Variants in UGT3A2 observed in about 807,000 individuals in gnomAD.
The protein encoded by UGT3A2 is UDP-glycosyltransferase 3A2.
In UGT3A2, 32 loss-of-function variants were observed where a neutral mutation model predicts 39.8. The ratio of observed to expected loss-of-function variants is 0.80; its 90% confidence interval spans 0.61 to 1.08. The LOEUF (loss-of-function observed/expected upper bound fraction) is 1.08. Ranked by LOEUF, UGT3A2 falls within the 50% of genes least tolerant of loss-of-function variation. The pLI is 0.00. For synonymous variants in UGT3A2, 241 were observed against 230.7 expected (o/e 1.04, Z -0.40); for missense variants, 611 against 637.1 (o/e 0.96, Z 0.44).
At position 36,052,002 on chromosome 5, in the gene UGT3A2, G is replaced by A; in HGVS notation, c.197-18C>T. On this transcript the variant is annotated intron_variant, in intron 2 of 6. Coordinates refer to ENST00000282507, the MANE Select transcript of UGT3A2 (RefSeq NM_174914.4). ...TTTAAAATCTAAGAAAACAGCAACG[G>A]GTTAAAAAAAAAGTTAAATATGCTA... 4.0e-6 allele frequency: 6 copies of A among 1,500,720 alleles called. No homozygotes were observed. The highest frequency in any genetic ancestry group is 1.3e-5 in the South Asian group (1 of 76,760). 93.0% of individuals were successfully genotyped at this position (1,500,720 alleles called of 1,614,324 possible). A position where few individuals can be genotyped will look rare whatever the true frequency, so the allele number is the denominator to read the frequency against.
chr5:36,036,550 G>T (rs1741837464), intron 6 of UGT3A2, among the ~76,000 whole-genome samples: 1 of 152,188 alleles, frequency 6.6e-6, no homozygotes, highest in African/African-American at 2.4e-5. Context: ...CCCTATTTAT[G>T]TACAATGTCT....
At chr5:36,055,864 A>G (rs1231962526) in intron 2 of UGT3A2, among the ~76,000 whole-genome samples, 1 of 152,122 alleles carries the variant, frequency 6.6e-6, no homozygotes, top group Non-Finnish European at 1.5e-5. Context: ...GGTCTGTGAG[A>G]TAGTGATGAT....
chr5:36,039,119 C>A (rs756572866), intron 5 of UGT3A2, among the ~76,000 whole-genome samples: 7 of 152,206 alleles, frequency 4.6e-5, no homozygotes, highest in African/African-American at 7.2e-5. Context: ...TGGCACCTCT[C>A]CCAACCCCTA....
At chr5:36,063,329 T>C (rs1050896526) in intron 2 of UGT3A2, among the ~76,000 whole-genome samples, 1 of 152,192 alleles carries the variant, frequency 6.6e-6, no homozygotes. Context: ...GGTTTCTGTT[T>C]CCTTGTGGAT....
At chr5:36,059,696 TATC>T (rs1742626408) in intron 2 of UGT3A2, among the ~76,000 whole-genome samples, 1 of 152,192 alleles carries the variant, frequency 6.6e-6, no homozygotes, top group African/African-American at 2.4e-5. Context: ...TGTTTCTTGT[TATC>T]AGTGGAATGT....
chr5:36,066,868 TGC>T lies in UGT3A2; in HGVS notation c.-81_-80del. 1.3e-6 allele frequency: 2 copies of T among 1,541,714 alleles called. No homozygotes were observed. Among genetic ancestry groups the T allele is most frequent in the South Asian group, 2.2e-5 (2 of 89,266 alleles). ...GGCTAAGGGACCCTGTGCACCTCAG[TGC>T]GCCAAAGGCACTGGCTGTGGGTAGA... On this transcript the variant is annotated 5_prime_UTR_variant, in exon 1 of 7. Coordinates refer to ENST00000282507, the MANE Select transcript of UGT3A2 (RefSeq NM_174914.4).
chr5:36,065,444 G>C (rs1161692292), intron 1 of UGT3A2, among the ~76,000 whole-genome samples: 1 of 152,144 alleles, frequency 6.6e-6, no homozygotes, highest in Non-Finnish European at 1.5e-5. Context: ...ATCTTGGGGA[G>C]TCAGGTGGCT....
rs769339169 is a variant in UGT3A2, at chr5:36,049,042, T to A, written c.690A>T (p.Thr230=). 11 of 1,614,112 alleles carry A rather than the reference T, an allele frequency of 6.8e-6. No individual in the cohort carries two copies. The Admixed American group carries it at 1.8e-4, about 27-fold the overall frequency. ...TFDNTIKEHF[T]EGSRPVLSHL... The stretch of plus-strand genomic sequence containing the variant: ...GAGACAAAACTGGCCTAGAGCCTTC[T>A]GTGAAATGTTCCTTGATGGTGTTGT... Residue 230 remains threonine, a synonymous_variant, in exon 4 of 7, where the codon ACA becomes ACT. Coordinates refer to ENST00000282507, the MANE Select transcript of UGT3A2 (RefSeq NM_174914.4).
At position 36,066,769 on chromosome 5, in the gene UGT3A2, A is replaced by C. The variant is rs1263373762; in HGVS notation, c.21T>G (p.Leu7=). The C allele has an allele frequency of 1.2e-6, 2 of 1,614,172 alleles. No homozygotes were observed. Among genetic ancestry groups the C allele is most frequent in the Non-Finnish European group, 1.7e-6 (2 of 1,180,030 alleles). Reference sequence around the variant, plus strand: ...CAGGGAGAAGGAAGCCCACTAGAAGAAGCACTCGCTGCCCAGCCATGCTCA... The same window carrying C: ...CAGGGAGAAGGAAGCCCACTAGAAGCAGCACTCGCTGCCCAGCCATGCTCA... MAGQRV[L]LLVGFLLPGV... Residue 7 remains leucine, a synonymous_variant, in exon 1 of 7, where the codon CTT becomes CTG. Coordinates refer to ENST00000282507, the MANE Select transcript of UGT3A2 (RefSeq NM_174914.4).
chr5:36,045,750 C>G (rs1305953860), intron 4 of UGT3A2, among the ~76,000 whole-genome samples: 1 of 151,998 alleles, frequency 6.6e-6, no homozygotes, highest in East Asian at 1.9e-4. Flanking sequence ...GTAATGCAGG[C>G]AACCAAAGGA....
At chr5:36,061,424 T>C (rs1288745100) in intron 2 of UGT3A2, among the ~76,000 whole-genome samples, 1 of 121,128 alleles carries the variant, frequency 8.3e-6, no homozygotes, top group Admixed American at 1.1e-4. Flanking sequence ...CAGAGTGTGA[T>C]GTTCCCCTTC....
chr5:36,051,188 C>T (rs1289276028), intron 3 of UGT3A2, among the ~76,000 whole-genome samples: 1 of 152,014 alleles, frequency 6.6e-6, no homozygotes, highest in Non-Finnish European at 1.5e-5. Flanking sequence ...GTAGAATTTT[C>T]CAGGAAAGAA....
In UGT3A2 at chr5:36,049,171, G is replaced by A; in HGVS notation, c.561C>T (p.Phe187=). ...CCATGTGATCAGTCAGCAAGGAACGGAATACTGGAACATAAGACAAGGGGA... is the reference window on the plus strand; with the variant it reads ...CCATGTGATCAGTCAGCAAGGAACGAAATACTGGAACATAAGACAAGGGGA... The part of the protein sequence containing the change: ...LPIPLSYVPV[F]RSLLTDHMDF... The change falls in exon 4 of 7, where the codon TTC becomes TTT. Residue 187 remains phenylalanine, a synonymous_variant. Coordinates refer to ENST00000282507, the MANE Select transcript of UGT3A2 (RefSeq NM_174914.4). 6.2e-7 allele frequency: 1 copy of A among 1,614,194 alleles called. No homozygotes were observed. The highest frequency in any genetic ancestry group is 8.5e-7 in the Non-Finnish European group (1 of 1,180,042).
At chr5:36,036,492 G>A (rs868636757) in intron 6 of UGT3A2, among the ~76,000 whole-genome samples, 13 of 152,274 alleles carry the variant, frequency 8.5e-5, no homozygotes, top group South Asian at 4.1e-4. Flanking sequence ...TATAATAAGA[G>A]GCTCCACACT....
chr5:36,066,319 C>CCA (rs1039729046), intron 1 of UGT3A2, among the ~76,000 whole-genome samples: 2 of 152,136 alleles, frequency 1.3e-5, no homozygotes, highest in East Asian at 3.9e-4. Context: ...TACTGTGCAC[C>CCA]CACACACACG....
intron 4 of UGT3A2, among the ~76,000 whole-genome samples, chr5:36,040,333 C>A (rs1307278309): frequency 6.6e-6 from 1 of 152,058 alleles, no homozygotes; most frequent in Non-Finnish European, 1.5e-5. Context: ...CAGAATAGAA[C>A]CCTGAAGTGA....
intron 4 of UGT3A2, among the ~76,000 whole-genome samples, chr5:36,043,286 G>A (rs954720618): frequency 6.6e-6 from 1 of 151,880 alleles, no homozygotes; most frequent in African/African-American, 2.4e-5. Flanking sequence ...ATGACCAGTA[G>A]GTCAATGAAG....
intron 2 of UGT3A2, among the ~76,000 whole-genome samples, chr5:36,057,338 A>C (rs1742544630): frequency 6.6e-6 from 1 of 152,228 alleles, no homozygotes; most frequent in Admixed American, 6.5e-5. Flanking sequence ...GATGAAATGA[A>C]AAATGGGAAT....
intron 4 of UGT3A2, among the ~76,000 whole-genome samples, chr5:36,048,423 A>T (rs1742234555): frequency 6.6e-6 from 1 of 152,186 alleles, no homozygotes; most frequent in Non-Finnish European, 1.5e-5. Flanking sequence ...GGAACCCTGG[A>T]GATAACACCG....
Sources: gnomAD v4.1 joint callset for allele counts (sites outside exome capture counted in the v4.1 genomes callset) on GRCh38, gnomAD v4.1.1 for gene constraint, MANE v1.5 for transcripts, NCBI Gene and HGNC (gene_info 2026-07-23, HGNC 2026-07-21) for gene names.